RFPL4A: variants seen among roughly 807,000 people sequenced by gnomAD.
RFPL4A encodes ret finger protein like 4A.
A neutral mutation model predicts 8.3 loss-of-function variants in RFPL4A; 4 were observed. The ratio of observed to expected loss-of-function variants is 0.48; its 90% CI spans 0.24 to 1.10. The LOEUF (loss-of-function observed/expected upper bound fraction) is 1.10, where lower values mean the gene tolerates loss of function less well. Ranked by LOEUF, RFPL4A falls within the 50% of genes least tolerant of loss-of-function variation. RFPL4A has a pLI of 0.18. For synonymous variants in RFPL4A, 43 were observed against 136.6 expected, an observed-to-expected ratio of 0.31 and a Z score of 4.78; for missense variants, 111 against 358.7, an observed-to-expected ratio of 0.31 and a Z score of 5.58.
At chr19:55,759,941 C>G (rs969024501) in intron 1 of RFPL4A, among the ~76,000 whole-genome samples, 1 of 151,428 alleles carries the variant, frequency 6.6e-6, no homozygotes, top group Non-Finnish European at 1.5e-5. Flanking sequence ...TTTCCTCATC[C>G]ATGTTTCTCT....
Position 55,761,057 on chromosome 19 carries a change from G to C in RFPL4A, c.-9-735G>C, listed in dbSNP as rs1361178342. Among the ~76,000 whole-genome samples the C allele has an allele frequency of 5.5e-5, 7 of 127,964 alleles. 1 individual carries two copies. Among genetic ancestry groups the C allele is most frequent in the Non-Finnish European group, 8.7e-5 (5 of 57,584 alleles). 83.9% of individuals were successfully genotyped at this position (127,964 alleles called of 152,430 possible). The stretch of plus-strand genomic sequence containing the variant: ...TCCATTGTCATATATATGGCTGCTT[G>C]TTTGTTTTTCATTAGTTCTGGTTTT... On this transcript the variant is annotated intron_variant, in intron 1 of 2. Coordinates refer to ENST00000434937, the MANE Select transcript of RFPL4A (RefSeq NM_001145014.2).
chr19:55,758,519 C>T (rs377415116), upstream of RFPL4A, among the ~76,000 whole-genome samples: 2 of 151,446 alleles, frequency 1.3e-5, no homozygotes, highest in Non-Finnish European at 3.0e-5. Flanking sequence ...TAGATTGTAA[C>T]AGTAACGTTT....
At chr19:55,759,207 A>G in intron 1 of RFPL4A, 32 bp downstream of exon 1, 1 of 152,678 alleles carries the variant, frequency 6.5e-6, no homozygotes, top group South Asian at 2.1e-4. Flanking sequence ...TCATTTTTAC[A>G]AAAGGCGTAT....
At chr19:55,761,502 C>T (rs1475809226) in intron 1 of RFPL4A, among the ~76,000 whole-genome samples, 1 of 142,178 alleles carries the variant, frequency 7.0e-6, no homozygotes, top group Non-Finnish European at 1.6e-5. Flanking sequence ...AGCCATTTGT[C>T]ACTGGTGGCT....
intron 2 of RFPL4A, 87 bp downstream of exon 2, chr19:55,762,173 G>C: frequency 7.1e-7 from 1 of 1,409,582 alleles, no homozygotes; most frequent in Non-Finnish European, 9.7e-7. Flanking sequence ...ATAGGCATTA[G>C]CAGGATATCT....
intron 2 of RFPL4A, 78 bp downstream of exon 2, chr19:55,762,164 T>C: frequency 2.0e-6 from 3 of 1,479,940 alleles, no homozygotes; most frequent in Admixed American, 4.0e-5. Flanking sequence ...TCATTAAACA[T>C]AGGCATTAGC....
upstream of RFPL4A, among the ~76,000 whole-genome samples, chr19:55,758,703 G>A (rs1180343467): frequency 1.3e-5 from 2 of 151,374 alleles, no homozygotes; most frequent in Admixed American, 1.3e-4. Flanking sequence ...TATTAGTAAC[G>A]ACTTCTGAGT....
chr19:55,758,243 A>G (rs1335448164), upstream of RFPL4A, among the ~76,000 whole-genome samples: 3 of 152,308 alleles, frequency 2.0e-5, no homozygotes, highest in East Asian at 5.8e-4. Context: ...AGGAATTGAG[A>G]ACTGCCTTGG....
chr19:55,763,355 T>C lies in RFPL4A; in HGVS notation c.*180T>C, dbSNP rs1052823332. The stretch of plus-strand genomic sequence containing the variant: ...GGGAAAATTACATTGTACTTAAAGT[T>C]TGTCATGTTGTTTTCTTTGGGGCTT... On this transcript the variant is annotated 3_prime_UTR_variant, in exon 3 of 3. Coordinates refer to ENST00000434937, the MANE Select transcript of RFPL4A (RefSeq NM_001145014.2). Among the ~76,000 whole-genome samples, 1 of 149,798 alleles carries C rather than the reference T, an allele frequency of 6.7e-6. No homozygotes were observed. Among genetic ancestry groups the C allele is most frequent in the East Asian group, 1.9e-4 (1 of 5,180 alleles).
chr19:55,760,995 A>G (rs2927546), intron 1 of RFPL4A, among the ~76,000 whole-genome samples: 24,755 of 124,302 alleles, frequency 0.2, 3,367 homozygotes, highest in Non-Finnish European at 0.28. Context: ...TTTTTGCTAC[A>G]GCCTTGAAAA....
At chr19:55,759,548 T>A (rs1989240330) in intron 1 of RFPL4A, among the ~76,000 whole-genome samples, 1 of 150,966 alleles carries the variant, frequency 6.6e-6, no homozygotes, top group African/African-American at 2.4e-5. Context: ...ATTTTCTGAT[T>A]TTTTTTTTGT....
intron 1 of RFPL4A, among the ~76,000 whole-genome samples, chr19:55,760,068 G>T (rs1989251620): frequency 1.3e-5 from 2 of 151,596 alleles, no homozygotes; most frequent in Non-Finnish European, 1.5e-5. Flanking sequence ...ACGGAAGTAG[G>T]GTTGCTGGAA....
At chr19:55,757,849 C>T (rs563487882), upstream of RFPL4A, among the ~76,000 whole-genome samples, 20 of 151,554 alleles carry the variant, frequency 1.3e-4, no homozygotes, top group East Asian at 3.9e-3. Context: ...CAACTGAGGC[C>T]ACCTGGTATT....
In RFPL4A at chr19:55,763,183, T is replaced by C; in HGVS notation, c.*8T>C. On this transcript the variant is annotated 3_prime_UTR_variant, in exon 3 of 3. Transcript: ENST00000434937. Reference sequence around the variant, plus strand: ...TCTTCTGAGGGAAAGTAAATAAACATTTGAACATAATCATCTTTAGGAAGT... The same window carrying C: ...TCTTCTGAGGGAAAGTAAATAAACACTTGAACATAATCATCTTTAGGAAGT... The C allele has an allele frequency of 6.5e-7, 1 of 1,534,404 alleles. No homozygotes were observed. The highest frequency in any genetic ancestry group is 8.8e-7 in the Non-Finnish European group (1 of 1,142,752).
At chr19:55,757,595 C>G (rs557138014), upstream of RFPL4A, among the ~76,000 whole-genome samples, 6 of 152,014 alleles carry the variant, frequency 3.9e-5, no homozygotes, top group African/African-American at 1.2e-4. Context: ...GAAACTTTAC[C>G]ACTGTCTGAA....
At chr19:55,757,363 T>C (rs1361639224), upstream of RFPL4A, among the ~76,000 whole-genome samples, 1 of 151,762 alleles carries the variant, frequency 6.6e-6, no homozygotes, top group Non-Finnish European at 1.5e-5. Flanking sequence ...CCCCAGAACT[T>C]AAAGTATAAT....
At chr19:55,757,526 G>GT (rs549736236), upstream of RFPL4A, among the ~76,000 whole-genome samples, 1 of 151,638 alleles carries the variant, frequency 6.6e-6, no homozygotes, top group Non-Finnish European at 1.5e-5. Context: ...TGAAGGACAG[G>GT]TTTTTATTCA....
chr19:55,763,118 C>T lies in RFPL4A; in HGVS notation c.807C>T (p.Ile269=), dbSNP rs780323383. 3 of 1,546,174 alleles carry T rather than the reference C, an allele frequency of 1.9e-6. No individual in the cohort carries two copies. Among genetic ancestry groups the T allele is most frequent in the Non-Finnish European group, 1.7e-6 (2 of 1,146,096 alleles). Reference sequence around the variant, plus strand: ...AAGATGATCAGAGCATCCTGAGTATCTGTTCTGTGATCAATCCATCCGCTG... The same window carrying T: ...AAGATGATCAGAGCATCCTGAGTATTTGTTCTGTGATCAATCCATCCGCTG... ...GSQDDQSILS[I]CSVINPSAAS... is the part of the protein sequence containing the mutation. Residue 269 remains isoleucine (I), a synonymous_variant, in exon 3 of 3, where the codon ATC becomes ATT. Coordinates refer to ENST00000434937, the MANE Select transcript of RFPL4A (RefSeq NM_001145014.2).
At chr19:55,759,337 T>C (rs2868055) in intron 1 of RFPL4A, among the ~76,000 whole-genome samples, 162 bp downstream of exon 1, 10 of 152,176 alleles carry the variant, frequency 6.6e-5, no homozygotes, top group Non-Finnish European at 1.2e-4. Context: ...AACAGTTAGG[T>C]AAGTCTTAGA....
Sources: gnomAD v4.1 joint callset for allele counts (sites outside exome capture counted in the v4.1 genomes callset) on GRCh38, gnomAD v4.1.1 for gene constraint, MANE v1.5 for transcripts, NCBI Gene and HGNC (gene_info 2026-07-23, HGNC 2026-07-21) for gene names.